The following SEM1 variants were observed in gnomAD, a reference collection of about 807,000 sequenced individuals.
The protein encoded by SEM1 is 26S proteasome complex subunit SEM1.
In SEM1, 3 loss-of-function variants were observed where a neutral mutation model predicts 12.7. That is an observed-to-expected ratio of 0.24 (90% CI 0.11 to 0.61). The LOEUF (loss-of-function observed/expected upper bound fraction) is 0.61. SEM1 is among the 20% of genes least tolerant of loss of function. The pLI is 0.88. For synonymous variants in SEM1, 30 were observed against 27.8 expected (o/e 1.08, Z -0.25); for missense variants, 59 against 81.3 (o/e 0.73, Z 1.06).
intron 1 of SEM1, among the ~76,000 whole-genome samples, chr7:96,707,823 T>G (rs1178178237): frequency 6.6e-6 from 1 of 152,174 alleles, no homozygotes; most frequent in Non-Finnish European, 1.5e-5. Flanking sequence ...AGCAGTCAAT[T>G]ATCAACTAAC....
chr7:96,585,813 G>A (rs140439307), intron 2 of SEM1, among the ~76,000 whole-genome samples: 6,290 of 152,154 alleles, frequency 0.041, 337 homozygotes, highest in Admixed American at 0.14. Flanking sequence ...GCAATGCCTC[G>A]CCCTGCTTCG....
At chr7:96,529,953 C>T (rs1388493022) in intron 2 of SEM1, among the ~76,000 whole-genome samples, 2 of 152,058 alleles carry the variant, frequency 1.3e-5, no homozygotes, top group Non-Finnish European at 2.9e-5. Flanking sequence ...GTACAACTTC[C>T]TTCCTGAAAC....
intron 2 of SEM1, among the ~76,000 whole-genome samples, chr7:96,631,699 C>T (rs1479191579): frequency 6.6e-6 from 1 of 152,086 alleles, no homozygotes; most frequent in Non-Finnish European, 1.5e-5. Flanking sequence ...CCAAAATTGA[C>T]AAATGGGATC....
chr7:96,564,676 T>C (rs906744143), intron 2 of SEM1, among the ~76,000 whole-genome samples: 9 of 152,130 alleles, frequency 5.9e-5, no homozygotes, highest in Non-Finnish European at 1.3e-4. Context: ...TCCTAAGTAC[T>C]TTATGTAACA....
At chr7:96,622,133 T>A (rs79200615), downstream of SEM1, 1,826 of 154,298 alleles carry the variant, frequency 0.012, 43 homozygotes, top group African/African-American at 0.041. Context: ...CATTCTGCTA[T>A]GTTATGCCTG....
At chr7:96,606,870 C>CATGTCCAT (rs1329204520) in intron 2 of SEM1, among the ~76,000 whole-genome samples, 1 of 152,188 alleles carries the variant, frequency 6.6e-6, no homozygotes, top group East Asian at 1.9e-4. Context: ...TGCCTACTCA[C>CATGTCCAT]ATGTCCATGT....
chr7:96,620,810 G>A (rs1807869223), downstream of SEM1, among the ~76,000 whole-genome samples: 1 of 152,006 alleles, frequency 6.6e-6, no homozygotes. Flanking sequence ...ATTGTCTGTT[G>A]TGCTCACTCT....
At chr7:96,572,229 C>T (rs893839494) in intron 2 of SEM1, among the ~76,000 whole-genome samples, 5 of 152,100 alleles carry the variant, frequency 3.3e-5, no homozygotes, top group African/African-American at 9.7e-5. Flanking sequence ...TTTCAAAAAA[C>T]CAGCTTCTGG....
At chr7:96,652,711 C>T (rs182911013) in intron 2 of SEM1, among the ~76,000 whole-genome samples, 1 of 152,174 alleles carries the variant, frequency 6.6e-6, no homozygotes, top group Admixed American at 6.5e-5. Context: ...GAATGAAGTA[C>T]AGTTTTTCCC....
Position 96,541,114 on chromosome 7 carries a change from G to T in SEM1, c.171-34416C>A, listed in dbSNP as rs111581672. On this transcript the variant is annotated intron_variant and NMD_transcript_variant, in intron 2 of 3. Coordinates refer to the SEM1 transcript ENST00000466986. ...TGGGTACATATTCAGTAATGAGATT[G>T]CTGGGTTGAACGGTAGTTCTGCTTT... 3.3e-3 allele frequency among the ~76,000 whole-genome samples: 507 copies of T among 152,008 alleles called. 1 individual carries two copies. The highest frequency in any genetic ancestry group is 5.5e-3 in the Non-Finnish European group (372 of 67,888).
Position 96,592,653 on chromosome 7 carries a change from G to A in SEM1, c.171-85955C>T, listed in dbSNP as rs565938873. On this transcript the variant is annotated intron_variant and NMD_transcript_variant, in intron 2 of 3. Transcript: ENST00000466986. ...CAGAGACAAAGCACACGTATTCGGGGCAGCAATCTGTAGGAGCAGAGATTT... is the reference window on the plus strand; with the variant it reads ...CAGAGACAAAGCACACGTATTCGGGACAGCAATCTGTAGGAGCAGAGATTT... 3.3e-5 allele frequency among the ~76,000 whole-genome samples: 5 copies of A among 151,744 alleles called. No individual in the cohort carries two copies. In the East Asian group the frequency reaches 9.9e-4, roughly 30 times the overall value.
At chr7:96,631,447 A>G (rs1234910788) in intron 2 of SEM1, among the ~76,000 whole-genome samples, 1 of 152,130 alleles carries the variant, frequency 6.6e-6, no homozygotes, top group Non-Finnish European at 1.5e-5. Context: ...CTCTCTCCCC[A>G]GTGCACAGAA....
At chr7:96,619,222 CTG>C (rs1807810388), downstream of SEM1, among the ~76,000 whole-genome samples, 1 of 152,000 alleles carries the variant, frequency 6.6e-6, no homozygotes, top group Non-Finnish European at 1.5e-5. Flanking sequence ...TAGCAGTTGT[CTG>C]TTCTAATTTT....
At chr7:96,555,916 G>A (rs1446168362) in intron 2 of SEM1, among the ~76,000 whole-genome samples, 2 of 146,970 alleles carry the variant, frequency 1.4e-5, no homozygotes, top group Non-Finnish European at 3.0e-5. Flanking sequence ...AGCTCTTCTT[G>A]TTGAATTGAT....
At chr7:96,707,689 T>C (rs983678450) in intron 1 of SEM1, among the ~76,000 whole-genome samples, 1 of 152,186 alleles carries the variant, frequency 6.6e-6, no homozygotes, top group African/African-American at 2.4e-5. Flanking sequence ...ACTGACACTT[T>C]GAAAAATTGC....
chr7:96,620,038 CAGTGGTATTATTCT>C (rs1293837294), downstream of SEM1, among the ~76,000 whole-genome samples: 1 of 152,112 alleles, frequency 6.6e-6, no homozygotes, highest in Non-Finnish European at 1.5e-5. Context: ...CATTCCAGAA[CAGTGGTATTATTCT>C]AGATATATGT....
chr7:96,533,055 T>C (rs1804685825), intron 2 of SEM1, among the ~76,000 whole-genome samples: 1 of 152,114 alleles, frequency 6.6e-6, no homozygotes, highest in Non-Finnish European at 1.5e-5. Context: ...CTCACCACTT[T>C]CTGGGAGGAA....
downstream of SEM1, among the ~76,000 whole-genome samples, chr7:96,620,714 T>C (rs1807865770): frequency 6.6e-6 from 1 of 152,216 alleles, no homozygotes; most frequent in Non-Finnish European, 1.5e-5. Context: ...CTGTTTGGAG[T>C]ATCTGCTTAC....
chr7:96,684,798 A>C (rs1789716430), downstream of SEM1, among the ~76,000 whole-genome samples: 1 of 152,060 alleles, frequency 6.6e-6, no homozygotes, highest in South Asian at 2.1e-4. Flanking sequence ...TGAATATATG[A>C]GATTAGAGTT....
Sources: gnomAD v4.1 joint callset for allele counts (sites outside exome capture counted in the v4.1 genomes callset) on GRCh38, gnomAD v4.1.1 for gene constraint, MANE v1.5 for transcripts, NCBI Gene and HGNC (gene_info 2026-07-23, HGNC 2026-07-21) for gene names.